The following CDH12 variants were observed in gnomAD, a reference collection of about 807,000 sequenced individuals.
CDH12 encodes cadherin 12, also known as cadherin-12.
In CDH12, 41 loss-of-function variants were observed where a neutral mutation model predicts 74.1. That is an observed-to-expected ratio of 0.55 (90% CI 0.43 to 0.72). The LOEUF is 0.72. Ranked by LOEUF, CDH12 falls within the 30% of genes least tolerant of loss-of-function variation. The pLI, the probability that CDH12 is intolerant of heterozygous loss-of-function variation, is 0.00. For synonymous variants in CDH12, 399 were observed against 355.0 expected (o/e 1.12, Z -1.39); for missense variants, 945 against 977.2 (o/e 0.97, Z 0.44).
chr5:22,661,805 A>G (rs541942183), intron 1 of CDH12, among the ~76,000 whole-genome samples: 1 of 152,218 alleles, frequency 6.6e-6, no homozygotes, highest in East Asian at 1.9e-4. Context: ...CTCTTAGGAC[A>G]GGCTCTTCCA....
At chr5:22,067,632 G>A (rs747237765) in intron 5 of CDH12, among the ~76,000 whole-genome samples, 2 of 152,124 alleles carry the variant, frequency 1.3e-5, no homozygotes, top group Non-Finnish European at 1.5e-5. Context: ...GTAATAGATA[G>A]GGATGCTGTG....
At chr5:22,489,861 T>C (rs1052844942) in intron 2 of CDH12, among the ~76,000 whole-genome samples, 5 of 151,908 alleles carry the variant, frequency 3.3e-5, no homozygotes, top group Admixed American at 2.6e-4. Context: ...AAAATTTTTC[T>C]GTAGAAATGA....
At chr5:22,465,945 C>CT (rs1483535080) in intron 2 of CDH12, among the ~76,000 whole-genome samples, 3 of 152,190 alleles carry the variant, frequency 2.0e-5, no homozygotes, top group African/African-American at 4.8e-5. Context: ...AATGTGTTCT[C>CT]TTACTCTACC....
At chr5:22,384,763 C>A (rs961212565) in intron 3 of CDH12, among the ~76,000 whole-genome samples, 1 of 151,938 alleles carries the variant, frequency 6.6e-6, no homozygotes, top group Non-Finnish European at 1.5e-5. Context: ...GATTAATATG[C>A]AACTTTTTGA....
intron 1 of CDH12, among the ~76,000 whole-genome samples, chr5:22,518,234 G>A (rs995385181): frequency 3.3e-5 from 5 of 152,208 alleles, no homozygotes; most frequent in Non-Finnish European, 7.3e-5. Flanking sequence ...CCTTAACAGA[G>A]TCCAAGCACC....
intron 2 of CDH12, among the ~76,000 whole-genome samples, chr5:22,489,083 A>G (rs1746739377): frequency 7.9e-4 from 2 of 2,540 alleles, no homozygotes; most frequent in African/African-American, 2.8e-3. Flanking sequence ...TTTGAGACAG[A>G]GTCTCGCTCT....
chr5:22,166,750 A>AAT (rs752020006), intron 4 of CDH12, among the ~76,000 whole-genome samples: 87 of 152,318 alleles, frequency 5.7e-4, no homozygotes, highest in Admixed American at 1.5e-3. Context: ...CTGTTTCTCT[A>AAT]ATATATCAAA....
At position 22,421,636 on chromosome 5, in the gene CDH12, T is replaced by C. The variant is rs192586996; in HGVS notation, c.-427-16285A>G. 7.6e-4 allele frequency among the ~76,000 whole-genome samples: 116 copies of C among 152,338 alleles called. 1 individual carries two copies. Among genetic ancestry groups the C allele is most frequent in the Non-Finnish European group, 1.4e-3 (94 of 68,028 alleles). The stretch of plus-strand genomic sequence containing the variant: ...AAGTCTTTGCTATTGTGAACAGTGC[T>C]GCAATAAACATACGTGTACATGTGT... On this transcript the variant is annotated intron_variant, in intron 2 of 14. Coordinates refer to ENST00000382254, the MANE Select transcript of CDH12 (RefSeq NM_004061.5).
chr5:22,740,726 C>T (rs1302123272), intron 1 of CDH12, among the ~76,000 whole-genome samples: 1 of 152,014 alleles, frequency 6.6e-6, no homozygotes, highest in East Asian at 1.9e-4. Flanking sequence ...AAAACTTAAT[C>T]TCCCTGAACT....
chr5:22,520,498 T>G (rs749242115), intron 1 of CDH12, among the ~76,000 whole-genome samples: 46 of 152,078 alleles, frequency 3.0e-4, no homozygotes, highest in Non-Finnish European at 6.0e-4. Context: ...TAAAAACAAT[T>G]TAGTCTGGAG....
intron 2 of CDH12, among the ~76,000 whole-genome samples, chr5:22,457,799 C>T (rs1745343389): frequency 6.6e-6 from 1 of 152,000 alleles, no homozygotes; most frequent in African/African-American, 2.4e-5. Context: ...GGCTGGAGTG[C>T]AGTGGTGCGA....
chr5:21,974,937 C>G (rs2150122278), intron 6 of CDH12, among the ~76,000 whole-genome samples, 154 bp downstream of exon 6: 1 of 152,046 alleles, frequency 6.6e-6, no homozygotes, highest in South Asian at 2.1e-4. Context: ...GAAAGAAAAA[C>G]AAAAAAGTTA....
chr5:22,562,265 C>G (rs1739085607), intron 1 of CDH12, among the ~76,000 whole-genome samples: 1 of 151,840 alleles, frequency 6.6e-6, no homozygotes, highest in South Asian at 2.1e-4. Flanking sequence ...GGCAGTGAGC[C>G]GAGATCCCGC....
chr5:21,993,140 G>C (rs1422270573), intron 5 of CDH12, among the ~76,000 whole-genome samples: 1 of 152,120 alleles, frequency 6.6e-6, no homozygotes, highest in Non-Finnish European at 1.5e-5. Flanking sequence ...GATGAGATTG[G>C]CGGGGGGTGG....
At chr5:22,616,703 G>A (rs934343497) in intron 1 of CDH12, among the ~76,000 whole-genome samples, 1 of 151,998 alleles carries the variant, frequency 6.6e-6, no homozygotes, top group Admixed American at 6.6e-5. Context: ...GGGTAAAGGA[G>A]GGAGGGGATG....
chr5:22,556,826 TA>T (rs1334263914), intron 1 of CDH12, among the ~76,000 whole-genome samples: 1 of 152,080 alleles, frequency 6.6e-6, no homozygotes, highest in African/African-American at 2.4e-5. Context: ...GTAAATCTTC[TA>T]CAACCCAGAA....
At chr5:22,246,000 A>T (rs1752931904) in intron 3 of CDH12, among the ~76,000 whole-genome samples, 1 of 152,154 alleles carries the variant, frequency 6.6e-6, no homozygotes, top group South Asian at 2.1e-4. Context: ...CTATGTAACA[A>T]GTGGTGGCAT....
intron 1 of CDH12, among the ~76,000 whole-genome samples, chr5:22,517,966 C>T (rs1235624579): frequency 6.6e-6 from 1 of 152,186 alleles, no homozygotes; most frequent in Non-Finnish European, 1.5e-5. Context: ...TGTTTCTCAG[C>T]AACATTTTCA....
intron 5 of CDH12, among the ~76,000 whole-genome samples, chr5:22,021,584 A>C (rs1057250268): frequency 2.0e-5 from 3 of 152,208 alleles, no homozygotes; most frequent in Admixed American, 6.5e-5. Context: ...ACTTACTCTG[A>C]GTACTCGTAC....
Sources: gnomAD v4.1 joint callset for allele counts (sites outside exome capture counted in the v4.1 genomes callset) on GRCh38, gnomAD v4.1.1 for gene constraint, MANE v1.5 for transcripts, NCBI Gene and HGNC (gene_info 2026-07-23, HGNC 2026-07-21) for gene names.